DACH2: variants seen among roughly 807,000 people sequenced by gnomAD.
DACH2 encodes dachshund homolog 2.
Under a neutral mutation model 35.8 loss-of-function variants are expected in DACH2, and 17 were observed. The ratio of observed to expected loss-of-function variants is 0.48; its 90% CI spans 0.33 to 0.71. DACH2 has a LOEUF of 0.71. Ranked by LOEUF, DACH2 falls within the 30% of genes least tolerant of loss-of-function variation. The pLI is 0.02. For synonymous variants in DACH2, 195 were observed against 177.3 expected (o/e 1.10, Z -0.79); for missense variants, 469 against 472.7 (o/e 0.99, Z 0.07).
chrX:86,713,798 G>A (rs1008435405), intron 5 of DACH2, among the ~76,000 whole-genome samples: 2 of 111,552 alleles, frequency 1.8e-5, no homozygotes, highest in African/African-American at 6.5e-5. Flanking sequence ...CAAACCTGTG[G>A]CTGCCAGAAG....
At chrX:86,381,167 T>A (rs2036040982) in intron 2 of DACH2, among the ~76,000 whole-genome samples, 1 of 110,185 alleles carries the variant, frequency 9.1e-6, no homozygotes, top group Non-Finnish European at 1.9e-5. Context: ...GCCAAATTGT[T>A]CTCCAAAGCT....
At chrX:86,377,790 G>C (rs2035991120) in intron 2 of DACH2, among the ~76,000 whole-genome samples, 1 of 110,181 alleles carries the variant, frequency 9.1e-6, no homozygotes, top group Non-Finnish European at 1.9e-5. Flanking sequence ...TTTATCCTGG[G>C]TTTTCAACAT....
chrX:86,496,447 G>T (rs2038173137), intron 2 of DACH2, among the ~76,000 whole-genome samples: 1 of 110,884 alleles, frequency 9.0e-6, no homozygotes, highest in Admixed American at 9.7e-5. Context: ...TTCCTGGTAT[G>T]TTTGTACCCA....
intron 2 of DACH2, among the ~76,000 whole-genome samples, chrX:86,398,141 A>T (rs1340997322): frequency 1.8e-5 from 2 of 112,031 alleles, no homozygotes; most frequent in Non-Finnish European, 3.8e-5. Flanking sequence ...CGAGGAATTT[A>T]TCCATTTCTC....
intron 3 of DACH2, among the ~76,000 whole-genome samples, chrX:86,577,439 A>G (rs1273512446): frequency 9.0e-6 from 1 of 111,648 alleles, no homozygotes; most frequent in Non-Finnish European, 1.9e-5. Context: ...ATATGGAAGA[A>G]TAGGCTTTTT....
intron 1 of DACH2, among the ~76,000 whole-genome samples, chrX:86,343,348 T>C (rs1454327939): frequency 1.9e-5 from 2 of 105,915 alleles, no homozygotes; most frequent in African/African-American, 7.4e-5. Flanking sequence ...ACTTCAGATA[T>C]TAAGCTTATA....
chrX:86,258,376 C>A (rs994806071), intron 1 of DACH2, among the ~76,000 whole-genome samples: 10 of 85,109 alleles, frequency 1.2e-4, no homozygotes, highest in African/African-American at 3.0e-4. Flanking sequence ...AATTTAAAAT[C>A]TTTTCTTTTC....
intron 4 of DACH2, among the ~76,000 whole-genome samples, chrX:86,694,398 G>T (rs1473953065): frequency 8.9e-6 from 1 of 111,964 alleles, no homozygotes; most frequent in Non-Finnish European, 1.9e-5. Flanking sequence ...TGCCAATGTA[G>T]ATCATGATAA....
intron 1 of DACH2, among the ~76,000 whole-genome samples, chrX:86,308,440 T>C (rs2148021510): frequency 8.9e-6 from 1 of 112,160 alleles, no homozygotes; most frequent in South Asian, 3.7e-4. Flanking sequence ...AATCACAGTA[T>C]TCCTAGAAGT....
intron 2 of DACH2, among the ~76,000 whole-genome samples, chrX:86,454,125 G>A (rs2037432144): frequency 9.0e-6 from 1 of 111,266 alleles, no homozygotes; most frequent in Non-Finnish European, 1.9e-5. Context: ...CTGGCTTGTA[G>A]GATATCCGCT....
At chrX:86,649,447 T>C (rs190491611) in intron 3 of DACH2, among the ~76,000 whole-genome samples, 12 of 111,156 alleles carry the variant, frequency 1.1e-4, no homozygotes, top group Non-Finnish European at 2.3e-4. Context: ...TGTCCATTTG[T>C]TTAAATCATT....
At chrX:86,450,357 C>T (rs1265150523) in intron 2 of DACH2, among the ~76,000 whole-genome samples, 1 of 111,230 alleles carries the variant, frequency 9.0e-6, no homozygotes, top group East Asian at 2.9e-4. Context: ...GTTTGAGGAG[C>T]ATAATGGCTT....
chrX:86,166,357 T>A (rs189743943), intron 1 of DACH2, among the ~76,000 whole-genome samples: 4 of 111,685 alleles, frequency 3.6e-5, no homozygotes, highest in African/African-American at 1.3e-4. Context: ...TTTTTTCTTT[T>A]TCAGATTGTT....
intron 1 of DACH2, among the ~76,000 whole-genome samples, chrX:86,268,622 C>A (rs1213653013): frequency 9.2e-6 from 1 of 108,665 alleles, no homozygotes; most frequent in Non-Finnish European, 1.9e-5. Context: ...GCAATCCCTG[C>A]CTCCAGGGTG....
chrX:86,604,258 A>G (rs2039829673), intron 3 of DACH2, among the ~76,000 whole-genome samples: 1 of 111,368 alleles, frequency 9.0e-6, no homozygotes, highest in South Asian at 3.8e-4. Flanking sequence ...TATCTCTACT[A>G]GGTAGAGATA....
At chrX:86,443,181 C>A (rs1242878616) in intron 2 of DACH2, among the ~76,000 whole-genome samples, 1 of 111,337 alleles carries the variant, frequency 9.0e-6, no homozygotes, top group African/African-American at 3.3e-5. Flanking sequence ...TTAATTAGTC[C>A]AATCCATAAT....
chrX:86,438,981 T>C (rs1469786657), intron 2 of DACH2, among the ~76,000 whole-genome samples: 3 of 112,342 alleles, frequency 2.7e-5, no homozygotes, highest in Non-Finnish European at 5.6e-5. Flanking sequence ...ATGTTTTCCA[T>C]AGTGGCTGTA....
intron 3 of DACH2, among the ~76,000 whole-genome samples, chrX:86,604,672 A>G (rs2039835004): frequency 1.8e-5 from 2 of 111,614 alleles, no homozygotes; most frequent in Admixed American, 9.6e-5. Context: ...AAAATGACTT[A>G]CCAGCTGATC....
At chrX:86,784,911 G>T (rs2042122703) in intron 7 of DACH2, among the ~76,000 whole-genome samples, 1 of 111,361 alleles carries the variant, frequency 9.0e-6, no homozygotes, top group East Asian at 2.8e-4. Flanking sequence ...TCACTAATAA[G>T]TTGGAGCTAA....
Sources: gnomAD v4.1 joint callset for allele counts (sites outside exome capture counted in the v4.1 genomes callset) on GRCh38, gnomAD v4.1.1 for gene constraint, MANE v1.5 for transcripts, NCBI Gene and HGNC (gene_info 2026-07-23, HGNC 2026-07-21) for gene names.